Variants in KALRN observed in about 807,000 individuals in gnomAD.
KALRN encodes kalirin.
A neutral mutation model predicts 353.7 loss-of-function variants in KALRN; 70 were observed. The observed-to-expected ratio is 0.20, with a 90% confidence interval of 0.16 to 0.24. The LOEUF (loss-of-function observed/expected upper bound fraction) is 0.24. Ranked by LOEUF, KALRN falls within the 10% of genes least tolerant of loss-of-function variation. KALRN has a pLI of 1.00. For synonymous variants in KALRN, 1,391 were observed against 1,434.8 expected, an observed-to-expected ratio of 0.97 and a Z score of 0.69; for missense variants, 2,791 against 3,756.7, an observed-to-expected ratio of 0.74 and a Z score of 6.72.
intron 21 of KALRN, among the ~76,000 whole-genome samples, chr3:124,453,403 G>A (rs3772760): frequency 0.045 from 6,837 of 152,252 alleles, 225 homozygotes; most frequent in East Asian, 0.13. Context: ...CCATGTGTGC[G>A]GCAGGCAGAG....
intron 15 of KALRN, among the ~76,000 whole-genome samples, chr3:124,430,327 A>G (rs630760): frequency 0.32 from 47,996 of 152,170 alleles, 8,311 homozygotes; most frequent in Non-Finnish European, 0.39. Context: ...TTATTTATTT[A>G]TACCATCCTA....
In KALRN at chr3:124,191,877, C is replaced by G. The variant is rs75976380; in HGVS notation, c.74-36113C>G. Reference sequence around the variant, plus strand: ...GAAGCCACCACAGCCAATCTAGATCCAAGGGAATGGGAATTAGACTCTGTC... The same window carrying G: ...GAAGCCACCACAGCCAATCTAGATCGAAGGGAATGGGAATTAGACTCTGTC... On this transcript the variant is annotated intron_variant, in intron 1 of 59. Transcript: ENST00000682506. 1.4e-3 allele frequency among the ~76,000 whole-genome samples: 210 copies of G among 152,288 alleles called. 2 individuals carry two copies. The East Asian group carries it at 0.036, about 26-fold the overall frequency.
intron 13 of KALRN, chr3:124,407,898 G>GA (rs1279242761): frequency 1.3e-5 from 2 of 152,004 alleles, no homozygotes; most frequent in Non-Finnish European, 2.9e-5. Flanking sequence ...TCAGCCTCCC[G>GA]AGTAGCTGGG....
chr3:124,703,021 C>T (rs1251316918), intron 57 of KALRN, among the ~76,000 whole-genome samples: 1 of 152,006 alleles, frequency 6.6e-6, no homozygotes, highest in African/African-American at 2.4e-5. Context: ...TACAGGTTGC[C>T]CACCCGTAAG....
chr3:124,154,710 C>T, intron 1 of KALRN, among the ~76,000 whole-genome samples: 1 of 152,126 alleles, frequency 6.6e-6, no homozygotes, highest in Non-Finnish European at 1.5e-5. Context: ...AGATTCAATG[C>T]CATCCCATCA....
rs554825711 is a variant in KALRN at position 124,247,724 on chromosome 3, C to G, written c.263+12781C>G. Among the ~76,000 whole-genome samples, 8 of 152,216 alleles carry G rather than the reference C, an allele frequency of 5.3e-5. No individual in the cohort carries two copies. The South Asian group carries it at 6.2e-4, about 12-fold the overall frequency. ...ATTGAAGATAATTTGTCTTTTCAGA[C>G]CTTCCTTTCCAGACAATATTTTCTT... On this transcript the variant is annotated intron_variant, in intron 3 of 59. Transcript: ENST00000682506.
intron 34 of KALRN, among the ~76,000 whole-genome samples, chr3:124,623,053 T>G (rs988386159): frequency 2.0e-5 from 3 of 152,112 alleles, no homozygotes; most frequent in African/African-American, 7.2e-5. Flanking sequence ...TACCGATGTC[T>G]ATACAGGTTT....
At chr3:124,083,799 C>T (rs1451054229) in intron 1 of KALRN, among the ~76,000 whole-genome samples, 1 of 152,208 alleles carries the variant, frequency 6.6e-6, no homozygotes, top group African/African-American at 2.4e-5. Context: ...GTGCATGGGC[C>T]TTGTGGTAAC....
In KALRN at chr3:124,657,531, G is replaced by A. The variant is rs556693887; in HGVS notation, c.5946G>A (p.Gln1982=). Residue 1982 remains glutamine (Q), a synonymous_variant, in exon 40 of 60, where the codon CAG becomes CAA. Transcript: ENST00000682506. ...KDKIVFGNIH[Q]IYDWHKDFFL... ...AAATCGTGTTTGGAAATATTCATCA[G>A]ATTTATGACTGGCATAAGGAGTAAG... is the stretch of plus-strand genomic sequence containing the variant. 3 of 1,613,660 alleles carry A rather than the reference G, an allele frequency of 1.9e-6. No individual in the cohort carries two copies. The South Asian group carries it at 3.3e-5, about 18-fold the overall frequency.
chr3:124,535,701 T>C (rs2109236415), intron 33 of KALRN, among the ~76,000 whole-genome samples: 1 of 152,248 alleles, frequency 6.6e-6, no homozygotes, highest in South Asian at 2.1e-4. Context: ...CATAAGACTC[T>C]GTCATCTAGA....
intron 13 of KALRN, among the ~76,000 whole-genome samples, chr3:124,400,000 G>A (rs1486914357): frequency 1.3e-5 from 2 of 152,124 alleles, no homozygotes; most frequent in Admixed American, 1.3e-4. Context: ...ATGGTAGGGG[G>A]AAAAGCCAAC....
intron 1 of KALRN, among the ~76,000 whole-genome samples, chr3:124,087,037 C>T (rs2060862603): frequency 6.6e-6 from 1 of 152,146 alleles, no homozygotes; most frequent in South Asian, 2.1e-4. Context: ...AGTATACTGT[C>T]ATTCAGTGGG....
chr3:124,503,074 T>C (rs2064790677), intron 33 of KALRN, among the ~76,000 whole-genome samples: 1 of 152,012 alleles, frequency 6.6e-6, no homozygotes, highest in Non-Finnish European at 1.5e-5. Context: ...CTGGGAAAAA[T>C]TCCTCAGCAC....
At position 124,334,584 on chromosome 3, in the gene KALRN, A is replaced by G. The variant is rs2080931084; in HGVS notation, c.1647+89A>G. On this transcript the variant is annotated intron_variant, in intron 9 of 59. Transcript: ENST00000682506. The surrounding 1 kb of genome is among the most constrained non-coding windows in gnomAD (Gnocchi z 4.2). ...TGACCTAGGTGATCAGGCTTAGGAG[A>G]GCCCAGATTTATAGAAGGACATAAT... 1.2e-6 allele frequency: 1 copy of G among 825,280 alleles called. No individual in the cohort carries two copies. The highest frequency in any genetic ancestry group is 1.9e-6 in the Non-Finnish European group (1 of 519,328). 51.1% of individuals were successfully genotyped at this position (825,280 alleles called of 1,614,324 possible). A position where few individuals can be genotyped will look rare whatever the true frequency, so the allele number is the denominator to read the frequency against.
At chr3:124,425,298 G>A (rs980300519) in intron 15 of KALRN, among the ~76,000 whole-genome samples, 8 of 152,170 alleles carry the variant, frequency 5.3e-5, no homozygotes, top group Non-Finnish European at 7.4e-5. Flanking sequence ...ACAAATAAAT[G>A]AGGTGATGGT....
intron 14 of KALRN, among the ~76,000 whole-genome samples, chr3:124,417,581 C>A (rs1051428523): frequency 2.6e-5 from 4 of 152,174 alleles, no homozygotes; most frequent in Admixed American, 6.5e-5. Context: ...AGAACCCAAC[C>A]CCAACGTTTA....
chr3:124,618,656 T>A (rs1415229387), intron 34 of KALRN, among the ~76,000 whole-genome samples: 2 of 152,178 alleles, frequency 1.3e-5, no homozygotes, highest in Non-Finnish European at 2.9e-5. Flanking sequence ...CATTGAGGGC[T>A]TGTTTGAAGG....
intron 34 of KALRN, among the ~76,000 whole-genome samples, chr3:124,572,201 G>A (rs1468444144): frequency 6.6e-6 from 1 of 151,650 alleles, no homozygotes; most frequent in Admixed American, 6.6e-5. Context: ...GCATGCACCT[G>A]TGGTCCCAGC....
chr3:124,265,576 A>T (rs1213162800), intron 4 of KALRN, among the ~76,000 whole-genome samples: 6 of 151,902 alleles, frequency 3.9e-5, no homozygotes. Flanking sequence ...TACAGGCATG[A>T]GCCACTGTGC....
Sources: allele counts gnomAD v4.1 joint callset (sites outside exome capture counted in the v4.1 genomes callset), GRCh38; gene constraint gnomAD v4.1.1; non-coding constraint Gnocchi (gnomAD v3.1); transcripts MANE v1.5; gene names NCBI Gene and HGNC (gene_info 2026-07-23, HGNC 2026-07-21).